SMAP1: variants seen among roughly 807,000 people sequenced by gnomAD.
The protein encoded by SMAP1 is small ArfGAP 1.
Under a neutral mutation model 58.5 loss-of-function variants are expected in SMAP1, and 24 were observed. The ratio of observed to expected loss-of-function variants is 0.41; its 90% confidence interval spans 0.30 to 0.58. The LOEUF is 0.58. Ranked by LOEUF, SMAP1 falls within the 20% of genes least tolerant of loss-of-function variation. The pLI, the probability that SMAP1 is intolerant of heterozygous loss-of-function variation, is 0.29. For missense variants in SMAP1, 563 were observed against 566.3 expected (o/e 0.99, Z 0.06); for synonymous variants, 216 against 196.6 (o/e 1.10, Z -0.82).
chr6:70,723,720 T>C (rs1269903750), intron 1 of SMAP1, among the ~76,000 whole-genome samples: 1 of 152,210 alleles, frequency 6.6e-6, no homozygotes, highest in Non-Finnish European at 1.5e-5. Flanking sequence ...AACAGTGTGT[T>C]GATGTAGTAG....
At chr6:70,750,919 G>A (rs1438745260) in intron 2 of SMAP1, among the ~76,000 whole-genome samples, 5 of 152,096 alleles carry the variant, frequency 3.3e-5, no homozygotes, top group Non-Finnish European at 5.9e-5. Flanking sequence ...GAATTTAATG[G>A]GAAAAGTCAA....
At position 70,860,816 on chromosome 6, in the gene SMAP1, T is replaced by C. The variant is rs1473735253; in HGVS notation, c.*482T>C. 2.5e-6 allele frequency: 1 copy of C among 397,592 alleles called. No individual in the cohort carries two copies. Among genetic ancestry groups the C allele is most frequent in the East Asian group, 3.6e-5 (1 of 27,944 alleles). The allele number at this position is 397,592 out of a possible 1,614,324, so 24.6% of individuals were successfully genotyped here. On this transcript the variant is annotated 3_prime_UTR_variant, in exon 11 of 11. Transcript: ENST00000370455. ...TTTCTAGTGTATCAAAATGCTCTTA[T>C]TTCATCATTCACTTCACTGTGCTGT...
chr6:70,814,708 C>T (rs1769542042), intron 6 of SMAP1, among the ~76,000 whole-genome samples: 1 of 152,086 alleles, frequency 6.6e-6, no homozygotes, highest in Non-Finnish European at 1.5e-5. Flanking sequence ...GCTCTTCTAG[C>T]CACTCTGACA....
At chr6:70,837,361 A>C (rs1310694198) in intron 7 of SMAP1, among the ~76,000 whole-genome samples, 1 of 151,716 alleles carries the variant, frequency 6.6e-6, no homozygotes, top group Non-Finnish European at 1.5e-5. Context: ...TCTTTCTCGA[A>C]TTTTTAGTTT....
chr6:70,764,006 G>T (rs1389813094), intron 3 of SMAP1, among the ~76,000 whole-genome samples: 1 of 152,044 alleles, frequency 6.6e-6, no homozygotes, highest in African/African-American at 2.4e-5. Flanking sequence ...TCTGTGTCCT[G>T]GGCTCAAGCG....
intron 6 of SMAP1, among the ~76,000 whole-genome samples, chr6:70,808,901 C>CGTGTGTGTGTGTGT (rs1562176834): frequency 2.8e-5 from 2 of 71,494 alleles, no homozygotes; most frequent in African/African-American, 1.2e-4. Flanking sequence ...AGGCTGTTTC[C>CGTGTGTGTGTGTGT]CTGTGTGTGT....
intron 2 of SMAP1, among the ~76,000 whole-genome samples, chr6:70,748,244 A>C (rs1032925464): frequency 6.6e-6 from 1 of 152,216 alleles, no homozygotes; most frequent in Non-Finnish European, 1.5e-5. Context: ...GGGACTAAAA[A>C]TATTCATTTT....
rs187688757 is a variant in SMAP1 at position 70,861,261 on chromosome 6, A to T, written c.*927A>T. ...ATTGCAAAGTCAGGAATCATCAGGA[A>T]CGTTTAGCTGACAAAATACTTGTCT... On this transcript the variant is annotated 3_prime_UTR_variant, in exon 11 of 11. Transcript: ENST00000370455. 4.4e-5 allele frequency: 8 copies of T among 179,950 alleles called. No individual in the cohort carries two copies. The East Asian group carries it at 1.1e-3, about 25-fold the overall frequency. The allele number at this position is 179,950 out of a possible 1,614,324, so 11.1% of individuals were successfully genotyped here.
At chr6:70,692,421 A>G (rs576999916) in intron 1 of SMAP1, among the ~76,000 whole-genome samples, 17 of 152,236 alleles carry the variant, frequency 1.1e-4, no homozygotes, top group Non-Finnish European at 1.0e-4. Context: ...TGTTGTGCCA[A>G]AGCTTTATAA....
intron 3 of SMAP1, among the ~76,000 whole-genome samples, chr6:70,763,333 G>A (rs762347726): frequency 6.6e-6 from 1 of 151,660 alleles, no homozygotes; most frequent in Non-Finnish European, 1.5e-5. Flanking sequence ...CAGGGCACTG[G>A]GAACTGCACC....
chr6:70,735,597 C>T (rs979910141), intron 2 of SMAP1, among the ~76,000 whole-genome samples: 7 of 152,096 alleles, frequency 4.6e-5, no homozygotes, highest in African/African-American at 1.7e-4. Context: ...TACGAAGCCC[C>T]GTCTCTACTA....
At chr6:70,753,688 C>A (rs961079360) in intron 2 of SMAP1, among the ~76,000 whole-genome samples, 28 of 151,984 alleles carry the variant, frequency 1.8e-4, no homozygotes, top group African/African-American at 6.8e-4. Context: ...TACTGTTTAC[C>A]TTTTATAATT....
intron 1 of SMAP1, among the ~76,000 whole-genome samples, chr6:70,692,438 G>A (rs909885287): frequency 6.6e-6 from 1 of 152,152 alleles, no homozygotes; most frequent in African/African-American, 2.4e-5. Context: ...ATAACTTGAT[G>A]TGATCCCATT....
At chr6:70,788,147 G>T (rs1464562542) in intron 4 of SMAP1, among the ~76,000 whole-genome samples, 1 of 151,918 alleles carries the variant, frequency 6.6e-6, no homozygotes, top group Non-Finnish European at 1.5e-5. Context: ...CATGTCCTTT[G>T]TAGGGACATG....
intron 7 of SMAP1, among the ~76,000 whole-genome samples, chr6:70,850,038 C>T (rs1170166557): frequency 1.3e-5 from 2 of 152,030 alleles, no homozygotes; most frequent in Non-Finnish European, 2.9e-5. Flanking sequence ...TGTTGTTTTA[C>T]GGATTAGAAA....
At chr6:70,839,300 T>A (rs1221079806) in intron 7 of SMAP1, among the ~76,000 whole-genome samples, 1 of 152,238 alleles carries the variant, frequency 6.6e-6, no homozygotes, top group African/African-American at 2.4e-5. Context: ...AGTGTTTCCT[T>A]ATCTTCTACC....
chr6:70,848,496 TG>T (rs1252403072), intron 7 of SMAP1, among the ~76,000 whole-genome samples: 4 of 152,200 alleles, frequency 2.6e-5, no homozygotes. Context: ...TGATGAAATG[TG>T]GTTTAAAGAG....
chr6:70,771,801 G>A (rs185372244), intron 3 of SMAP1, among the ~76,000 whole-genome samples: 29 of 152,228 alleles, frequency 1.9e-4, no homozygotes, highest in Middle Eastern at 6.8e-3. Flanking sequence ...AGATGAATCC[G>A]GTACCTCAGA....
At chr6:70,833,442 A>G (rs1451489327) in intron 6 of SMAP1, among the ~76,000 whole-genome samples, 5 of 152,192 alleles carry the variant, frequency 3.3e-5, no homozygotes, top group Non-Finnish European at 7.3e-5. Flanking sequence ...AAAGTGATCA[A>G]TCCTTTTGCT....
Sources: gnomAD v4.1 joint callset for allele counts (sites outside exome capture counted in the v4.1 genomes callset) on GRCh38, gnomAD v4.1.1 for gene constraint, MANE v1.5 for transcripts, NCBI Gene and HGNC (gene_info 2026-07-23, HGNC 2026-07-21) for gene names.